Variants in SLC25A11 observed in about 807,000 individuals in gnomAD.
The protein encoded by SLC25A11 is mitochondrial 2-oxoglutarate/malate carrier protein.
SLC25A11 carries 11 observed loss-of-function variants against 32.7 expected under a neutral mutation model. The ratio of observed to expected loss-of-function variants is 0.34; its 90% CI spans 0.21 to 0.56. The LOEUF (loss-of-function observed/expected upper bound fraction) is 0.56. SLC25A11 is among the 20% of genes least tolerant of loss of function. The pLI is 0.90. For synonymous variants in SLC25A11, 163 were observed against 168.3 expected, an observed-to-expected ratio of 0.97 and a Z score of 0.24; for missense variants, 295 against 426.3, an observed-to-expected ratio of 0.69 and a Z score of 2.71.
chr17:4,939,758 C>T lies in SLC25A11; in HGVS notation c.95+58G>A, dbSNP rs1970594863. ...CAACAGACCCAGAGATGAACCGGGC[C>T]CGGTTCCTTTTGCCCTTCCCTTCCT... On this transcript the variant is annotated intron_variant, in intron 1 of 7. Coordinates refer to ENST00000225665, the MANE Select transcript of SLC25A11 (RefSeq NM_003562.5). This position sits in a 1 kb window ranked among gnomAD's most constrained non-coding sequence, Gnocchi z 4.1. 7.3e-7 allele frequency: 1 copy of T among 1,373,192 alleles called. No homozygotes were observed. Among genetic ancestry groups the T allele is most frequent in the Non-Finnish European group, 1.0e-6 (1 of 971,774 alleles). 85.1% of individuals were successfully genotyped at this position (1,373,192 alleles called of 1,614,324 possible).
rs372521210 is a variant in SLC25A11 at position 4,938,540 on chromosome 17, C to T, written c.518G>A (p.Arg173Gln). ...CCACAGTGTGAGGACACCCTCTTCC[C>T]GGGTGATTCGAATCAGGGCGTTAAA... Reference protein sequence around the residue: ...NVFNALIRITREEGVLTLWRG... With the variant: ...NVFNALIRITQEEGVLTLWRG... Residue 173 changes from arginine (R) to glutamine (Q), a missense_variant, in exon 4 of 8, where the codon CGG becomes CAG. By Grantham distance (43) the Arg-to-Gln change is conservative. This residue lies in a region of SLC25A11 where 142 missense variants were observed against 197.8 expected (regional missense o/e 0.72). Transcript: ENST00000225665. This position sits in a 1 kb window ranked among gnomAD's most constrained non-coding sequence, Gnocchi z 7.6. The T allele has an allele frequency of 2.0e-4, 316 of 1,613,978 alleles. 1 individual carries two copies. Among genetic ancestry groups the T allele is most frequent in the Admixed American group, 4.8e-4 (29 of 60,002 alleles).
Position 4,939,315 on chromosome 17 carries a change from C to A in SLC25A11, c.96-103G>T. ...GTTACAAAGGTCAGGGCCTGCCATGCGATTCAAGAATCAGGATGCTGGTGA... is the reference window on the plus strand; with the variant it reads ...GTTACAAAGGTCAGGGCCTGCCATGAGATTCAAGAATCAGGATGCTGGTGA... On this transcript the variant is annotated intron_variant, in intron 1 of 7. Transcript: ENST00000225665. This position sits in a 1 kb window ranked among gnomAD's most constrained non-coding sequence, Gnocchi z 4.1. The A allele has an allele frequency of 7.8e-7, 1 of 1,275,374 alleles. No individual in the cohort carries two copies. The highest frequency in any genetic ancestry group is 1.4e-5 in the South Asian group (1 of 69,158). The allele number at this position is 1,275,374 out of a possible 1,614,324, so 79.0% of individuals were successfully genotyped here.
Position 4,938,588 on chromosome 17 carries a change from T to A in SLC25A11, c.470A>T (p.Gln157Leu), listed in dbSNP as rs1970500231. 1 of 1,613,920 alleles carries A rather than the reference T, an allele frequency of 6.2e-7. No individual in the cohort carries two copies. Among genetic ancestry groups the A allele is most frequent in the South Asian group, 1.1e-5 (1 of 91,086 alleles). ...AAACACATTTTTGTAGCCACGGCGC[T>A]GGTCAGCTGGAAGCCTGGTGGGAAG... ...MTADGRLPAD[Q>L]RRGYKNVFNA... Residue 157 changes from glutamine to leucine, a missense_variant, in exon 4 of 8, where the codon CAG becomes CTG. Gln to Leu is a moderately radical substitution (Grantham distance 113). Around this residue, in one of 3 missense-constraint regions of SLC25A11, gnomAD observed 49 missense variants for 106.9 expected, o/e 0.46. Transcript: ENST00000225665. The surrounding 1 kb of genome is among the most constrained non-coding windows in gnomAD (Gnocchi z 7.6).
chr17:4,938,675 A>G lies in SLC25A11; in HGVS notation c.456-73T>C. ...CAAAGAAAGGAAGGCCAGAACAGGT[A>G]AACACTCTGCTCCAGATCCGGGATA... On this transcript the variant is annotated intron_variant, in intron 3 of 7. Coordinates refer to ENST00000225665, the MANE Select transcript of SLC25A11 (RefSeq NM_003562.5). The surrounding 1 kb of genome is among the most constrained non-coding windows in gnomAD (Gnocchi z 7.6). 1 of 1,584,612 alleles carries G rather than the reference A, an allele frequency of 6.3e-7. No individual in the cohort carries two copies. Among genetic ancestry groups the G allele is most frequent in the South Asian group, 1.1e-5 (1 of 90,486 alleles).
rs139621798 is a variant in SLC25A11 at position 4,939,911 on chromosome 17, C to T, written c.-1G>A. 9.5e-5 allele frequency: 153 copies of T among 1,609,990 alleles called. No homozygotes were observed. The African/African-American group carries it at 1.8e-3, about 19-fold the overall frequency. On this transcript the variant is annotated 5_prime_UTR_variant, in exon 1 of 8. Coordinates refer to ENST00000225665, the MANE Select transcript of SLC25A11 (RefSeq NM_003562.5). This position sits in a 1 kb window ranked among gnomAD's most constrained non-coding sequence, Gnocchi z 4.1. Reference sequence around the variant, plus strand: ...CCCCGGCACTCGCCGTCGCCGCCATCGCCACTCAATGGCCCTCGGCTCCGG... The same window carrying T: ...CCCCGGCACTCGCCGTCGCCGCCATTGCCACTCAATGGCCCTCGGCTCCGG...
rs1223326427 is a variant in SLC25A11, at chr17:4,937,586, T to A, written c.*155A>T. On this transcript the variant is annotated 3_prime_UTR_variant, in exon 8 of 8. Coordinates refer to ENST00000225665, the MANE Select transcript of SLC25A11 (RefSeq NM_003562.5). ...CAGGATCAGGACGAGCAGGGCAAGC[T>A]GGAGCAGGGGGTAGAACAGACCAAG... The A allele has an allele frequency of 1.2e-6, 1 of 810,674 alleles. No individual in the cohort carries two copies. The highest frequency in any genetic ancestry group is 2.7e-5 in the East Asian group (1 of 36,588). 50.2% of individuals were successfully genotyped at this position (810,674 alleles called of 1,614,324 possible).
rs775115050 is a variant in SLC25A11, at chr17:4,939,132, C to T, written c.176G>A (p.Arg59Gln). Reference protein sequence around the residue: ...MQLSGEGAKTREYKTSFHALT... With the variant: ...MQLSGEGAKTQEYKTSFHALT... Reference sequence around the variant, plus strand: ...GGCATGGAAGCTGGTTTTGTACTCTCGAGTCTTGGCCCCTTCCCCGCTCAA... The same window carrying T: ...GGCATGGAAGCTGGTTTTGTACTCTTGAGTCTTGGCCCCTTCCCCGCTCAA... The change falls in exon 2 of 8, where the codon CGA (arginine) becomes CAA (glutamine). Residue 59 changes from arginine to glutamine, a missense_variant. By Grantham distance (43) the Arg-to-Gln change is conservative (BLOSUM62 1). Transcript: ENST00000225665. The surrounding 1 kb of genome is among the most constrained non-coding windows in gnomAD (Gnocchi z 4.1). The T allele has an allele frequency of 1.2e-6, 2 of 1,614,188 alleles. No homozygotes were observed. The highest frequency in any genetic ancestry group is 1.6e-4 in the Middle Eastern group (1 of 6,062).
Position 4,938,647 on chromosome 17 carries a change from G to A in SLC25A11, c.456-45C>T. The A allele has an allele frequency of 6.2e-7, 1 of 1,601,996 alleles. No individual in the cohort carries two copies. Among genetic ancestry groups the A allele is most frequent in the South Asian group, 1.1e-5 (1 of 90,840 alleles). On this transcript the variant is annotated intron_variant, in intron 3 of 7. Transcript: ENST00000225665. The surrounding 1 kb of genome is among the most constrained non-coding windows in gnomAD (Gnocchi z 7.6). ...AGGTCAAGATCAGGATTGCCCACAG[G>A]TGCAAAGAAAGGAAGGCCAGAACAG... is the stretch of plus-strand genomic sequence containing the variant.
chr17:4,938,727 C>A lies in SLC25A11; in HGVS notation c.455+42G>T. 1 of 1,595,526 alleles carries A rather than the reference C, an allele frequency of 6.3e-7. No individual in the cohort carries two copies. The highest frequency in any genetic ancestry group is 8.6e-7 in the Non-Finnish European group (1 of 1,166,432). On this transcript the variant is annotated intron_variant, in intron 3 of 7. Coordinates refer to ENST00000225665, the MANE Select transcript of SLC25A11 (RefSeq NM_003562.5). This position sits in a 1 kb window ranked among gnomAD's most constrained non-coding sequence, Gnocchi z 7.6. ...AAAACTGGTCCTTTCATTCTAGATTCGAGGGAATGGGGCTGGGGTTAGGTT... is the reference window on the plus strand; with the variant it reads ...AAAACTGGTCCTTTCATTCTAGATTAGAGGGAATGGGGCTGGGGTTAGGTT...
Position 4,939,466 on chromosome 17 carries a change from T to A in SLC25A11, c.96-254A>T. On this transcript the variant is annotated intron_variant, in intron 1 of 7. Transcript: ENST00000225665. This position sits in a 1 kb window ranked among gnomAD's most constrained non-coding sequence, Gnocchi z 4.1. ...TGACAGTCAAGCAGTGACCTGGGGC[T>A]GCACGCAGTCCGACACAGGGAGGGG... 1.7e-6 allele frequency: 1 copy of A among 583,492 alleles called. No individual in the cohort carries two copies. Among genetic ancestry groups the A allele is most frequent in the South Asian group, 2.2e-5 (1 of 46,242 alleles). The allele number at this position is 583,492 out of a possible 1,614,324, so 36.1% of individuals were successfully genotyped here.
At position 4,938,220 on chromosome 17, in the gene SLC25A11, C is replaced by T. The variant is rs201961261; in HGVS notation, c.671G>A (p.Cys224Tyr). ...YFSDNILCHF[C>Y]ASMISGLVTT... ...GACAAGACCGCTGATCATGCTGGCACAGAAGTGGCACAAGATGTTGTCAGA... is the reference window on the plus strand; with the variant it reads ...GACAAGACCGCTGATCATGCTGGCATAGAAGTGGCACAAGATGTTGTCAGA... The change falls in exon 6 of 8, where the codon TGT becomes TAT. Residue 224 changes from cysteine (C) to tyrosine (Y), a missense_variant. Around this residue, in one of 3 missense-constraint regions of SLC25A11, gnomAD observed 142 missense variants for 197.8 expected, o/e 0.72. Coordinates refer to ENST00000225665, the MANE Select transcript of SLC25A11 (RefSeq NM_003562.5). The surrounding 1 kb of genome is among the most constrained non-coding windows in gnomAD (Gnocchi z 7.6). The T allele has an allele frequency of 8.9e-5, 143 of 1,613,840 alleles. No homozygotes were observed. The highest frequency in any genetic ancestry group is 1.1e-4 in the East Asian group (5 of 44,898).
In SLC25A11 at chr17:4,938,685, C is replaced by T; in HGVS notation, c.456-83G>A. ...AAGGCCAGAACAGGTAAACACTCTG[C>T]TCCAGATCCGGGATAAAAAACTGGT... On this transcript the variant is annotated intron_variant, in intron 3 of 7. Transcript: ENST00000225665. This position sits in a 1 kb window ranked among gnomAD's most constrained non-coding sequence, Gnocchi z 7.6. 1.9e-6 allele frequency: 3 copies of T among 1,584,076 alleles called. No homozygotes were observed. The highest frequency in any genetic ancestry group is 2.6e-6 in the Non-Finnish European group (3 of 1,154,176).
Position 4,939,739 on chromosome 17 carries a change from A to G in SLC25A11, c.95+77T>C, listed in dbSNP as rs1246708889. The G allele has an allele frequency of 1.7e-6, 2 of 1,153,152 alleles. No individual in the cohort carries two copies. Among genetic ancestry groups the G allele is most frequent in the Non-Finnish European group, 2.6e-6 (2 of 779,888 alleles). 71.4% of individuals were successfully genotyped at this position (1,153,152 alleles called of 1,614,324 possible). A position where few individuals can be genotyped will look rare whatever the true frequency, so the allele number is the denominator to read the frequency against. On this transcript the variant is annotated intron_variant, in intron 1 of 7. Coordinates refer to ENST00000225665, the MANE Select transcript of SLC25A11 (RefSeq NM_003562.5). The surrounding 1 kb of genome is among the most constrained non-coding windows in gnomAD (Gnocchi z 4.1). ...GTGCCGGCACAGTTCACTGCAACAG[A>G]CCCAGAGATGAACCGGGCCCGGTTC...
rs1970491758 is a variant in SLC25A11, at chr17:4,938,454, G to A, written c.547-25C>T. The A allele has an allele frequency of 6.2e-7, 1 of 1,614,006 alleles. No individual in the cohort carries two copies. The highest frequency in any genetic ancestry group is 1.3e-5 in the African/African-American group (1 of 75,052). ...CCTGGAGGGAGGGGAGCGGGGAAGA[G>A]TCAGAAACCCCTAAAACCAGACCTC... On this transcript the variant is annotated intron_variant, in intron 4 of 7. Coordinates refer to ENST00000225665, the MANE Select transcript of SLC25A11 (RefSeq NM_003562.5). The surrounding 1 kb of genome is among the most constrained non-coding windows in gnomAD (Gnocchi z 7.6).
In SLC25A11 at chr17:4,939,328, A is replaced by C. The variant is rs1970558926; in HGVS notation, c.96-116T>G. 4 of 1,177,496 alleles carry C rather than the reference A, an allele frequency of 3.4e-6. No homozygotes were observed. The highest frequency in any genetic ancestry group is 4.7e-6 in the Non-Finnish European group (4 of 851,374). 72.9% of individuals were successfully genotyped at this position (1,177,496 alleles called of 1,614,324 possible). ...GGGCCTGCCATGCGATTCAAGAATC[A>C]GGATGCTGGTGAGCATGTGTATAAG... On this transcript the variant is annotated intron_variant, in intron 1 of 7. Transcript: ENST00000225665. The surrounding 1 kb of genome is among the most constrained non-coding windows in gnomAD (Gnocchi z 4.1).
chr17:4,938,708 G>T lies in SLC25A11; in HGVS notation c.455+61C>A. ...TGCTCCAGATCCGGGATAAAAAACT[G>T]GTCCTTTCATTCTAGATTCGAGGGA... On this transcript the variant is annotated intron_variant, in intron 3 of 7. Coordinates refer to ENST00000225665, the MANE Select transcript of SLC25A11 (RefSeq NM_003562.5). This position sits in a 1 kb window ranked among gnomAD's most constrained non-coding sequence, Gnocchi z 7.6. 1 of 1,588,768 alleles carries T rather than the reference G, an allele frequency of 6.3e-7. No homozygotes were observed.
In SLC25A11 at chr17:4,937,621, G is replaced by T; in HGVS notation, c.*120C>A. 1 of 1,228,656 alleles carries T rather than the reference G, an allele frequency of 8.1e-7. No individual in the cohort carries two copies. The allele number at this position is 1,228,656 out of a possible 1,614,324, so 76.1% of individuals were successfully genotyped here. ...GGTAGAACAGACCAAGTCCTTTACCGCAGAGGAAGAAACCACACTGTGGAA... is the reference window on the plus strand; with the variant it reads ...GGTAGAACAGACCAAGTCCTTTACCTCAGAGGAAGAAACCACACTGTGGAA... On this transcript the variant is annotated 3_prime_UTR_variant, in exon 8 of 8. Coordinates refer to ENST00000225665, the MANE Select transcript of SLC25A11 (RefSeq NM_003562.5).
chr17:4,938,759 T>G lies in SLC25A11; in HGVS notation c.455+10A>C. On this transcript the variant is annotated intron_variant, in intron 3 of 7. Transcript: ENST00000225665. This position sits in a 1 kb window ranked among gnomAD's most constrained non-coding sequence, Gnocchi z 7.6. ...ATGGGGCTGGGGTTAGGTTCAGACTTGGAACTCACCGGCCATCGGCAGTCA... is the reference window on the plus strand; with the variant it reads ...ATGGGGCTGGGGTTAGGTTCAGACTGGGAACTCACCGGCCATCGGCAGTCA... The G allele has an allele frequency of 2.5e-6, 4 of 1,606,866 alleles. No individual in the cohort carries two copies. The highest frequency in any genetic ancestry group is 1.7e-6 in the Non-Finnish European group (2 of 1,175,246).
chr17:4,939,945 C>A lies in SLC25A11; in HGVS notation c.-35G>T. On this transcript the variant is annotated 5_prime_UTR_variant, in exon 1 of 8. Transcript: ENST00000225665. This position sits in a 1 kb window ranked among gnomAD's most constrained non-coding sequence, Gnocchi z 4.1. The stretch of plus-strand genomic sequence containing the variant: ...ATGGCCCTCGGCTCCGGGTCCCGTG[C>A]GCGCGCGGCCCCGCTCGCGCCCAAG... 3 of 1,549,378 alleles carry A rather than the reference C, an allele frequency of 1.9e-6. No individual in the cohort carries two copies. Among genetic ancestry groups the A allele is most frequent in the South Asian group, 1.2e-5 (1 of 86,634 alleles).
Sources: gnomAD v4.1 joint callset for allele counts on GRCh38, gnomAD v4.1.1 for gene constraint, gnomAD v4.1.1 regional missense constraint, Gnocchi (gnomAD v3.1) non-coding constraint, MANE v1.5 for transcripts, NCBI Gene and HGNC (gene_info 2026-07-23, HGNC 2026-07-21) for gene names.